Variants in DLGAP2 observed in about 807,000 individuals in gnomAD.
The protein encoded by DLGAP2 is DLG associated protein 2, also known as disks large-associated protein 2.
DLGAP2 carries 26 observed loss-of-function variants against 100.3 expected under a neutral mutation model. That is an observed-to-expected ratio of 0.26 (90% confidence interval 0.19 to 0.36). The LOEUF (loss-of-function observed/expected upper bound fraction) is 0.36. DLGAP2 is among the 10% of genes least tolerant of loss of function. The probability of loss-of-function intolerance (pLI) is 1.00; values close to 1 mark genes in which losing one functional copy is unlikely to be tolerated. For missense variants in DLGAP2, 1,858 were observed against 1,453.2 expected (o/e 1.28, Z -4.53); for synonymous variants, 886 against 630.1 (o/e 1.41, Z -6.08).
At chr8:924,575 CT>C (rs913404475) in intron 2 of DLGAP2, among the ~76,000 whole-genome samples, 78 of 146,264 alleles carry the variant, frequency 5.3e-4, no homozygotes, top group South Asian at 1.1e-3. Flanking sequence ...CCCGGTTATT[CT>C]TTTTTTTTTT....
chr8:1,596,787 G>C (rs1796472479), intron 6 of DLGAP2, among the ~76,000 whole-genome samples: 1 of 152,110 alleles, frequency 6.6e-6, no homozygotes, highest in Non-Finnish European at 1.5e-5. Flanking sequence ...CCCTTTGTCA[G>C]ATAGATAGAT....
At chr8:1,136,131 G>A (rs1796405668) in intron 2 of DLGAP2, among the ~76,000 whole-genome samples, 1 of 152,126 alleles carries the variant, frequency 6.6e-6, no homozygotes, top group Non-Finnish European at 1.5e-5. Flanking sequence ...AGGGGAAGCT[G>A]CCAGGTAGAA....
chr8:1,435,328 C>T (rs149444050), intron 3 of DLGAP2, among the ~76,000 whole-genome samples: 142 of 152,290 alleles, frequency 9.3e-4, no homozygotes, highest in African/African-American at 3.0e-3. Context: ...CCTCCCACAC[C>T]GGCGCTTTGA....
intron 6 of DLGAP2, among the ~76,000 whole-genome samples, chr8:1,595,907 A>T (rs1294866870): frequency 1.3e-5 from 2 of 151,586 alleles, no homozygotes; most frequent in African/African-American, 4.8e-5. Context: ...GTTTTAGGGT[A>T]CATGTGCACA....
intron 3 of DLGAP2, among the ~76,000 whole-genome samples, chr8:1,488,658 G>T (rs1416537057): frequency 6.6e-6 from 1 of 152,218 alleles, no homozygotes; most frequent in Non-Finnish European, 1.5e-5. Context: ...GAGGATGCAG[G>T]TTCTCATCCA....
chr8:858,448 C>T (rs548632078), intron 1 of DLGAP2, among the ~76,000 whole-genome samples: 2 of 152,308 alleles, frequency 1.3e-5, no homozygotes, highest in South Asian at 4.1e-4. Flanking sequence ...ATGGGCGGAG[C>T]CCAGAGGAAT....
intron 3 of DLGAP2, among the ~76,000 whole-genome samples, chr8:1,468,729 A>G (rs373578178): frequency 2.6e-5 from 4 of 152,194 alleles, no homozygotes; most frequent in Non-Finnish European, 4.4e-5. Context: ...TCTTCTCGCC[A>G]TTCTGGATGC....
At chr8:1,589,550 G>T (rs116871295) in intron 6 of DLGAP2, among the ~76,000 whole-genome samples, 7 of 152,072 alleles carry the variant, frequency 4.6e-5, no homozygotes, top group African/African-American at 1.4e-4. Flanking sequence ...TCCTCTCACC[G>T]CAGCCTCCCC....
At chr8:1,000,225 G>C (rs112326504) in intron 2 of DLGAP2, among the ~76,000 whole-genome samples, 1 of 143,570 alleles carries the variant, frequency 7.0e-6, no homozygotes, top group African/African-American at 2.5e-5. Flanking sequence ...AGAGCGGACA[G>C]ATCCAGGTGG....
intron 6 of DLGAP2, among the ~76,000 whole-genome samples, chr8:1,585,744 C>T (rs1482460861): frequency 1.3e-5 from 2 of 152,190 alleles, no homozygotes; most frequent in African/African-American, 2.4e-5. Context: ...CTGTAGCCAG[C>T]CTCTCCATAC....
At chr8:1,360,554 T>C (rs184762684) in intron 3 of DLGAP2, among the ~76,000 whole-genome samples, 1 of 152,224 alleles carries the variant, frequency 6.6e-6, no homozygotes, top group East Asian at 1.9e-4. Flanking sequence ...GGCTGTGCCA[T>C]CTGGGTGAGC....
intron 1 of DLGAP2, among the ~76,000 whole-genome samples, chr8:821,319 G>A (rs1371729203): frequency 6.6e-6 from 1 of 152,160 alleles, no homozygotes; most frequent in Non-Finnish European, 1.5e-5. Context: ...TATATAAAGT[G>A]TATGTAGGAG....
chr8:1,493,130 C>A (rs1357448514), intron 3 of DLGAP2, among the ~76,000 whole-genome samples: 1 of 152,232 alleles, frequency 6.6e-6, no homozygotes, highest in Non-Finnish European at 1.5e-5. Flanking sequence ...GCAGGTAGAA[C>A]CAGGCGGATC....
intron 1 of DLGAP2, among the ~76,000 whole-genome samples, chr8:833,874 A>T (rs1796825214): frequency 6.6e-6 from 1 of 152,206 alleles, no homozygotes. Flanking sequence ...AGAACATGAC[A>T]GGTTGGATTA....
chr8:1,474,950 A>G (rs1798892088), intron 3 of DLGAP2, among the ~76,000 whole-genome samples: 2 of 152,218 alleles, frequency 1.3e-5, no homozygotes, highest in South Asian at 4.1e-4. Flanking sequence ...TCACAGCACT[A>G]TTCGCAACAG....
intron 2 of DLGAP2, among the ~76,000 whole-genome samples, chr8:1,140,339 G>A (rs940943694): frequency 1.6e-5 from 2 of 124,764 alleles, no homozygotes; most frequent in African/African-American, 5.5e-5. Context: ...CTTCCATCTG[G>A]AAGGCAGAAC....
chr8:1,106,487 T>A (rs1206270596), intron 2 of DLGAP2, among the ~76,000 whole-genome samples: 1 of 149,476 alleles, frequency 6.7e-6, no homozygotes, highest in South Asian at 2.2e-4. Context: ...GGAGCCATTC[T>A]AGGACGGTTT....
intron 6 of DLGAP2, among the ~76,000 whole-genome samples, chr8:1,573,594 C>T (rs1584943751): frequency 6.7e-6 from 1 of 148,888 alleles, no homozygotes; most frequent in South Asian, 2.2e-4. Flanking sequence ...AATAACAGCT[C>T]GTTTATTCGG....
intron 1 of DLGAP2, among the ~76,000 whole-genome samples, chr8:844,933 T>C (rs1467907894): frequency 6.6e-6 from 1 of 152,214 alleles, no homozygotes; most frequent in Non-Finnish European, 1.5e-5. Context: ...TCATACAATA[T>C]ATGGACTTCT....
Sources: allele counts gnomAD v4.1 joint callset (sites outside exome capture counted in the v4.1 genomes callset), GRCh38; gene constraint gnomAD v4.1.1; transcripts MANE v1.5; gene names NCBI Gene and HGNC (gene_info 2026-07-23, HGNC 2026-07-21).